Variants in MBTPS1 observed in about 807,000 individuals in gnomAD.
The protein encoded by MBTPS1 is membrane bound transcription factor peptidase, site 1.
A neutral mutation model predicts 127.8 loss-of-function variants in MBTPS1; 94 were observed. The ratio of observed to expected loss-of-function variants is 0.74; its 90% confidence interval spans 0.62 to 0.87. The LOEUF (loss-of-function observed/expected upper bound fraction) is 0.87. Ranked by LOEUF, MBTPS1 falls within the 40% of genes least tolerant of loss-of-function variation. MBTPS1 has a pLI of 0.00. For missense variants in MBTPS1, 1,636 were observed against 1,353.2 expected (o/e 1.21, Z -3.28); for synonymous variants, 632 against 509.4 (o/e 1.24, Z -3.24).
At chr16:84,075,022 G>A (rs1047177095) in intron 11 of MBTPS1, 23 of 243,862 alleles carry the variant, frequency 9.4e-5, no homozygotes, top group South Asian at 3.8e-4. Flanking sequence ...GAATGAGTAC[G>A]TGACCAGCCC....
chr16:84,076,296 T>A (rs1426823626), intron 11 of MBTPS1, among the ~76,000 whole-genome samples: 1 of 151,964 alleles, frequency 6.6e-6, no homozygotes, highest in African/African-American at 2.4e-5. Context: ...TATATACATA[T>A]ATATATAGAT....
In MBTPS1 at chr16:84,056,095, C is replaced by T. The variant is rs767305651; in HGVS notation, c.2872G>A (p.Asp958Asn). Residue 958 changes from aspartate to asparagine, a missense_variant, in exon 22 of 23, where the codon GAC becomes AAC. Physicochemically the swap from Asp to Asn is conservative, Grantham distance 23. Coordinates refer to ENST00000343411, the MANE Select transcript of MBTPS1 (RefSeq NM_003791.4). Reference protein sequence around the residue: ...KHQKLLSIDLDKVVLPNFRSN... With the variant: ...KHQKLLSIDLNKVVLPNFRSN... Reference sequence around the variant, plus strand: ...CGAAAGTTGGGTAACACCACCTTGTCCAGGTCAATGGAGAGTAGCTTCTGA... The same window carrying T: ...CGAAAGTTGGGTAACACCACCTTGTTCAGGTCAATGGAGAGTAGCTTCTGA... 2.5e-6 allele frequency: 4 copies of T among 1,614,026 alleles called. No homozygotes were observed. Among genetic ancestry groups the T allele is most frequent in the African/African-American group, 1.3e-5 (1 of 75,050 alleles).
intron 16 of MBTPS1, among the ~76,000 whole-genome samples, chr16:84,067,088 T>C (rs970663230): frequency 6.6e-6 from 1 of 152,154 alleles, no homozygotes; most frequent in African/African-American, 2.4e-5. Flanking sequence ...ATTGTAAATA[T>C]ACAATATTTA....
intron 1 of MBTPS1, among the ~76,000 whole-genome samples, chr16:84,102,704 G>A (rs1388242304): frequency 1.3e-5 from 2 of 152,116 alleles, no homozygotes; most frequent in African/African-American, 2.4e-5. Flanking sequence ...AATTTTTCAG[G>A]CAAAAGCTTG....
At chr16:84,083,256 C>A (rs1232083452) in intron 10 of MBTPS1, among the ~76,000 whole-genome samples, 1 of 152,166 alleles carries the variant, frequency 6.6e-6, no homozygotes, top group East Asian at 1.9e-4. Context: ...CCAGGTAGCC[C>A]ACTATCCACC....
chr16:84,072,027 T>C (rs574484673), intron 12 of MBTPS1: 1 of 152,312 alleles, frequency 6.6e-6, no homozygotes, highest in Admixed American at 6.5e-5. Flanking sequence ...TTTACCCCCA[T>C]CTAAGCTGAA....
chr16:84,070,480 A>G (rs1255332793), intron 13 of MBTPS1, 108 bp downstream of exon 13: 2 of 1,128,466 alleles, frequency 1.8e-6, no homozygotes, highest in African/African-American at 3.1e-5. Flanking sequence ...GGATAAGCCT[A>G]TCTGTCAACT....
intron 19 of MBTPS1, among the ~76,000 whole-genome samples, chr16:84,062,426 G>C (rs541278573): frequency 6.6e-6 from 1 of 152,122 alleles, no homozygotes; most frequent in African/African-American, 2.4e-5. Context: ...GCCCATTTTT[G>C]ATTTTTAAAA....
chr16:84,061,008 T>C, intron 19 of MBTPS1, 195 bp from the exon 20 acceptor site: 1 of 457,590 alleles, frequency 2.2e-6, no homozygotes. Context: ...TAATTTTTTA[T>C]TTTTTGCAGA....
chr16:84,067,032 AT>A (rs542126599), intron 16 of MBTPS1, among the ~76,000 whole-genome samples: 13 of 152,318 alleles, frequency 8.5e-5, no homozygotes, highest in African/African-American at 2.9e-4. Flanking sequence ...GAAGGACATT[AT>A]TCCCTTTGAG....
At chr16:84,059,193 G>T in intron 21 of MBTPS1, 109 bp downstream of exon 21, 6 of 1,384,858 alleles carry the variant, frequency 4.3e-6, no homozygotes, top group East Asian at 2.4e-5. Context: ...CAAGCTTGAA[G>T]ATCTGACAAT....
intron 2 of MBTPS1, 27 bp from the exon 3 acceptor site, chr16:84,099,337 T>C (rs1408906233): frequency 6.2e-7 from 1 of 1,607,904 alleles, no homozygotes; most frequent in Non-Finnish European, 8.5e-7. Flanking sequence ...CAAACAAAAA[T>C]AAGATTTACG....
intron 1 of MBTPS1, among the ~76,000 whole-genome samples, chr16:84,113,366 G>A (rs1198381849): frequency 6.6e-6 from 1 of 152,150 alleles, no homozygotes; most frequent in African/African-American, 2.4e-5. Flanking sequence ...CCGTACCTAT[G>A]GGTTTTTCAT....
chr16:84,068,262 G>T (rs924219985), intron 15 of MBTPS1, 77 bp downstream of exon 15: 1 of 1,001,652 alleles, frequency 1.0e-6, no homozygotes, highest in African/African-American at 1.6e-5. Flanking sequence ...TGAAAACTGG[G>T]ATTCACTCCT....
At chr16:84,114,395 C>T (rs763908730) in intron 1 of MBTPS1, among the ~76,000 whole-genome samples, 15 of 152,078 alleles carry the variant, frequency 9.9e-5, no homozygotes, top group Non-Finnish European at 1.8e-4. Flanking sequence ...GAGTGAGAAA[C>T]CTTGGTCTGT....
In MBTPS1 at chr16:84,053,927, T is replaced by G. The variant is rs2085477295; in HGVS notation, c.*522A>C. 1 of 152,588 alleles carries G rather than the reference T, an allele frequency of 6.6e-6. No individual in the cohort carries two copies. Among genetic ancestry groups the G allele is most frequent in the Non-Finnish European group, 1.5e-5 (1 of 68,252 alleles). 9.5% of individuals were successfully genotyped at this position (152,588 alleles called of 1,614,324 possible). On this transcript the variant is annotated 3_prime_UTR_variant, in exon 23 of 23. Coordinates refer to ENST00000343411, the MANE Select transcript of MBTPS1 (RefSeq NM_003791.4). Reference sequence around the variant, plus strand: ...TGCATGTTTCCTTCAAATCTCAGTCTGTACTGTCATTAAAAAGATCATGGA... The same window carrying G: ...TGCATGTTTCCTTCAAATCTCAGTCGGTACTGTCATTAAAAAGATCATGGA...
At position 84,093,875 on chromosome 16, in the gene MBTPS1, G is replaced by A. The variant is rs969783601; in HGVS notation, c.626-54C>T. ...TATGTTTGAAGAAATCATCATTTTGGATTTTGCCTATAAAATACATTCCTT... is the reference window on the plus strand; with the variant it reads ...TATGTTTGAAGAAATCATCATTTTGAATTTTGCCTATAAAATACATTCCTT... On this transcript the variant is annotated intron_variant, in intron 4 of 22. Transcript: ENST00000343411. 24 of 1,304,796 alleles carry A rather than the reference G, an allele frequency of 1.8e-5. No individual in the cohort carries two copies. The African/African-American group carries it at 2.0e-4, about 11-fold the overall frequency. 80.8% of individuals were successfully genotyped at this position (1,304,796 alleles called of 1,614,324 possible). A position where few individuals can be genotyped will look rare whatever the true frequency, so the allele number is the denominator to read the frequency against.
At position 84,065,690 on chromosome 16, in the gene MBTPS1, C is replaced by A; in HGVS notation, c.2431G>T (p.Gly811Ter). Residue 811 changes from glycine (G) to a stop codon, truncating the protein, a stop_gained and splice_region_variant, in exon 18 of 23, where the codon GGA becomes TGA. Transcript: ENST00000343411. LOFTEE classifies it high-confidence loss of function. ...AAGGCCCATGAATGGCATCCTTTAC[C>A]TTGGTCCTTGAAAGTCTGTGTTATC... ...VVITQTFKDQGLEVLKQETAV... is the reference protein window; with the variant it reads ...VVITQTFKDQ 1 of 1,611,450 alleles carries A rather than the reference C, an allele frequency of 6.2e-7. No individual in the cohort carries two copies. The highest frequency in any genetic ancestry group is 8.5e-7 in the Non-Finnish European group (1 of 1,177,814).
intron 11 of MBTPS1, among the ~76,000 whole-genome samples, chr16:84,076,944 G>A (rs547493336): frequency 3.3e-5 from 5 of 152,254 alleles, no homozygotes; most frequent in East Asian, 1.9e-4. Context: ...AGCCAAGAAG[G>A]GCCGGGTGAA....
Sources: allele counts gnomAD v4.1 joint callset (sites outside exome capture counted in the v4.1 genomes callset), GRCh38; gene constraint gnomAD v4.1.1; transcripts MANE v1.5; gene names NCBI Gene and HGNC (gene_info 2026-07-23, HGNC 2026-07-21).